The following PATJ variants were observed in gnomAD, a reference collection of about 807,000 sequenced individuals.
PATJ encodes PATJ crumbs cell polarity complex component, also known as inaD-like protein.
In PATJ, 190 loss-of-function variants were observed where a neutral mutation model predicts 224.9. That is an observed-to-expected ratio of 0.84 (90% CI 0.75 to 0.95). PATJ has a LOEUF of 0.95. PATJ is among the 40% of genes least tolerant of loss of function. The pLI, the probability that PATJ is intolerant of heterozygous loss-of-function variation, is 0.00. For synonymous variants in PATJ, 769 were observed against 820.3 expected, an observed-to-expected ratio of 0.94 and a Z score of 1.07; for missense variants, 2,121 against 2,270.3, an observed-to-expected ratio of 0.93 and a Z score of 1.34.
chr1:61,865,966 T>C (rs1385299065), intron 20 of PATJ, among the ~76,000 whole-genome samples: 1 of 152,022 alleles, frequency 6.6e-6, no homozygotes, highest in Non-Finnish European at 1.5e-5. Flanking sequence ...GTTTTATTTA[T>C]GTGACCCTGG....
chr1:62,131,468 G>C (rs890016963), intron 41 of PATJ, among the ~76,000 whole-genome samples: 4 of 152,086 alleles, frequency 2.6e-5, no homozygotes, highest in Non-Finnish European at 5.9e-5. Flanking sequence ...GTTCAGCTCT[G>C]TCTTCCTCAC....
intron 28 of PATJ, among the ~76,000 whole-genome samples, chr1:62,002,827 G>A (rs1418038102): frequency 6.6e-6 from 1 of 152,100 alleles, no homozygotes; most frequent in South Asian, 2.1e-4. Flanking sequence ...TCTATACAAG[G>A]GACAAGTGAA....
Position 61,885,542 on chromosome 1 carries a change from G to A in PATJ, c.3131+1134G>A, listed in dbSNP as rs1410142501. 3.3e-5 allele frequency among the ~76,000 whole-genome samples: 5 copies of A among 152,162 alleles called. No individual in the cohort carries two copies. In the East Asian group the frequency reaches 9.7e-4, roughly 29 times the overall value. ...TCAGGAAACAACAGGTGCTGGAGAG[G>A]ATGTGGAGAAATAGGAACACTTTTA... On this transcript the variant is annotated intron_variant, in intron 22 of 43. Transcript: ENST00000642238.
chr1:61,839,217 A>G (rs1660696430), intron 17 of PATJ, among the ~76,000 whole-genome samples: 1 of 152,010 alleles, frequency 6.6e-6, no homozygotes, highest in Non-Finnish European at 1.5e-5. Context: ...ATTTTATTAT[A>G]GGGCATCCAT....
At position 62,018,709 on chromosome 1, in the gene PATJ, G is replaced by A. The variant is rs1038636394; in HGVS notation, c.3959+762G>A. On this transcript the variant is annotated intron_variant, in intron 29 of 43. Coordinates refer to ENST00000642238, the MANE Select transcript of PATJ (RefSeq NM_001350145.3). The surrounding 1 kb of genome is among the most constrained non-coding windows in gnomAD (Gnocchi z 4.2). ...TAATAAAGCATCTCCCTCATTCATT[G>A]TGATATTTCAGAAATTGAAAATGCT... Among the ~76,000 whole-genome samples the A allele has an allele frequency of 2.6e-4, 40 of 152,082 alleles. No homozygotes were observed. The highest frequency in any genetic ancestry group is 9.4e-4 in the African/African-American group (39 of 41,410).
chr1:61,814,566 A>T (rs1429040817), intron 14 of PATJ, among the ~76,000 whole-genome samples: 1 of 136,178 alleles, frequency 7.3e-6, no homozygotes, highest in Non-Finnish European at 1.5e-5. Context: ...GCGCGCATGT[A>T]TGTGGGATAG....
chr1:61,913,354 G>A (rs549674151), intron 25 of PATJ, among the ~76,000 whole-genome samples: 11 of 152,200 alleles, frequency 7.2e-5, no homozygotes, highest in Middle Eastern at 3.4e-3. Flanking sequence ...GATTACAGGC[G>A]CACGCCAACA....
Position 61,797,286 on chromosome 1 carries a change from G to T in PATJ, c.1261-1G>T, listed in dbSNP as rs749338187. 2 of 1,610,654 alleles carry T rather than the reference G, an allele frequency of 1.2e-6. No homozygotes were observed. Among genetic ancestry groups the T allele is most frequent in the Non-Finnish European group, 8.5e-7 (1 of 1,177,140 alleles). Reference sequence around the variant, plus strand: ...GCTTAATGTTTCTCTTGATGTTTTAGGTCGATGGCGTGAACATTCAGGGTT... The same window carrying T: ...GCTTAATGTTTCTCTTGATGTTTTATGTCGATGGCGTGAACATTCAGGGTT... On this transcript the variant is annotated splice_acceptor_variant, in intron 10 of 43. Transcript: ENST00000642238. LOFTEE classifies it high-confidence loss of function.
In PATJ at chr1:61,759,311, C is replaced by T. The variant is rs151048611; in HGVS notation, c.-35-3547C>T. Among the ~76,000 whole-genome samples the T allele has an allele frequency of 4.1e-3, 624 of 152,226 alleles. 7 individuals carry two copies. The highest frequency in any genetic ancestry group is 0.014 in the African/African-American group (598 of 41,552). ...GGCCCAGGGAAGCCAAAAGATTGGACACCCCTGTGGCTGAAGGAGTGAGCC... is the reference window on the plus strand; with the variant it reads ...GGCCCAGGGAAGCCAAAAGATTGGATACCCCTGTGGCTGAAGGAGTGAGCC... On this transcript the variant is annotated intron_variant, in intron 1 of 43. Coordinates refer to ENST00000642238, the MANE Select transcript of PATJ (RefSeq NM_001350145.3).
chr1:61,915,947 G>A (rs565008320), intron 26 of PATJ, among the ~76,000 whole-genome samples: 42 of 151,978 alleles, frequency 2.8e-4, no homozygotes, highest in South Asian at 6.2e-4. Context: ...CACCTGCCTC[G>A]GCCTCCCAAA....
At chr1:62,143,992 C>G (rs1056183304) in intron 41 of PATJ, among the ~76,000 whole-genome samples, 10 of 152,182 alleles carry the variant, frequency 6.6e-5, no homozygotes, top group Admixed American at 2.0e-4. Flanking sequence ...AGATGGTGGA[C>G]TTCAAGAGTA....
chr1:61,936,135 T>G (rs1676826351), intron 27 of PATJ, among the ~76,000 whole-genome samples: 1 of 151,980 alleles, frequency 6.6e-6, no homozygotes, highest in South Asian at 2.1e-4. Flanking sequence ...TTTAGAACAT[T>G]TAGGACATTT....
chr1:61,788,039 ATTCT>A, intron 8 of PATJ, 67 bp downstream of exon 8: 1 of 1,310,506 alleles, frequency 7.6e-7, no homozygotes. Context: ...AAGATAAGAA[ATTCT>A]TTCAACTTGA....
intron 30 of PATJ, among the ~76,000 whole-genome samples, chr1:62,048,310 C>T (rs976522073): frequency 1.3e-5 from 2 of 151,986 alleles, no homozygotes; most frequent in African/African-American, 4.8e-5. Flanking sequence ...CTCTGGGAGG[C>T]TGAGGTGGGT....
At chr1:61,949,011 C>T (rs1394859752) in intron 27 of PATJ, among the ~76,000 whole-genome samples, 1 of 145,982 alleles carries the variant, frequency 6.9e-6, no homozygotes, top group East Asian at 2.0e-4. Flanking sequence ...GGGAATTGAA[C>T]AGTGAGAACC....
At chr1:61,958,555 T>C (rs1478850954) in intron 27 of PATJ, among the ~76,000 whole-genome samples, 1 of 152,202 alleles carries the variant, frequency 6.6e-6, no homozygotes, top group Non-Finnish European at 1.5e-5. Flanking sequence ...CCTTGAAGAT[T>C]TTCCCAATAT....
At position 62,146,827 on chromosome 1, in the gene PATJ, T is replaced by C. The variant is rs144954106; in HGVS notation, c.5272-1457T>C. 9.9e-4 allele frequency among the ~76,000 whole-genome samples: 151 copies of C among 151,926 alleles called. 3 individuals are homozygous for C. The East Asian group carries it at 0.026, about 26-fold the overall frequency. Reference sequence around the variant, plus strand: ...TTAAAAAAAAGAAAAACCAATAGAATTTCATGAGGATGGAATGTGGGTTGT... The same window carrying C: ...TTAAAAAAAAGAAAAACCAATAGAACTTCATGAGGATGGAATGTGGGTTGT... On this transcript the variant is annotated intron_variant, in intron 41 of 43. Transcript: ENST00000642238.
At chr1:62,134,176 T>C (rs529738933) in intron 41 of PATJ, among the ~76,000 whole-genome samples, 31 of 151,052 alleles carry the variant, frequency 2.1e-4, no homozygotes, top group African/African-American at 6.8e-4. Flanking sequence ...TCTCTTCATC[T>C]GAAACACCCT....
chr1:61,861,208 A>T (rs1335516984), intron 18 of PATJ, among the ~76,000 whole-genome samples: 2 of 146,874 alleles, frequency 1.4e-5, no homozygotes, highest in Non-Finnish European at 3.0e-5. Flanking sequence ...AATTTGAATA[A>T]ATTTTGTGTT....
Sources: gnomAD v4.1 joint callset for allele counts (sites outside exome capture counted in the v4.1 genomes callset) on GRCh38, gnomAD v4.1.1 for gene constraint, Gnocchi (gnomAD v3.1) non-coding constraint, MANE v1.5 for transcripts, NCBI Gene and HGNC (gene_info 2026-07-23, HGNC 2026-07-21) for gene names.